The following ABLIM2 variants were observed in gnomAD, a reference collection of about 807,000 sequenced individuals.
The protein encoded by ABLIM2 is actin-binding LIM protein 2.
A neutral mutation model predicts 97.7 loss-of-function variants in ABLIM2; 53 were observed. The ratio of observed to expected loss-of-function variants is 0.54; its 90% CI spans 0.44 to 0.68. ABLIM2 has a LOEUF of 0.68. ABLIM2 is among the 30% of genes least tolerant of loss of function. The pLI is 0.00. For missense variants in ABLIM2, 835 were observed against 867.2 expected (o/e 0.96, Z 0.47); for synonymous variants, 361 against 345.8 (o/e 1.04, Z -0.49).
At position 8,096,408 on chromosome 4, in the gene ABLIM2, C is replaced by T. The variant is rs574300855; in HGVS notation, c.338+691G>A. ...GCCACGTACACAAAAATCAAACACT[C>T]GGATAATCCCTGGGAGAGAGAGGTC... On this transcript the variant is annotated intron_variant, in intron 3 of 20. Coordinates refer to ENST00000447017, the MANE Select transcript of ABLIM2 (RefSeq NM_001130083.2). Among the ~76,000 whole-genome samples, 22 of 152,296 alleles carry T rather than the reference C, an allele frequency of 1.4e-4. No individual in the cohort carries two copies. The East Asian group carries it at 3.7e-3, about 25-fold the overall frequency.
At chr4:8,084,931 C>T (rs541306673) in intron 4 of ABLIM2, among the ~76,000 whole-genome samples, 2 of 152,304 alleles carry the variant, frequency 1.3e-5, no homozygotes, top group African/African-American at 4.8e-5. Context: ...CGACGGCCGC[C>T]CTGTGACAGG....
intron 1 of ABLIM2, among the ~76,000 whole-genome samples, chr4:8,126,702 C>T (rs186644017): frequency 4.2e-4 from 64 of 152,122 alleles, no homozygotes; most frequent in South Asian, 1.5e-3. Flanking sequence ...CACCACAGGA[C>T]GCTCAGCCGT....
chr4:8,113,754 T>A lies in ABLIM2; in HGVS notation c.11-7117A>T, dbSNP rs1267648845. On this transcript the variant is annotated intron_variant, in intron 1 of 20. Coordinates refer to ENST00000447017, the MANE Select transcript of ABLIM2 (RefSeq NM_001130083.2). The surrounding 1 kb of genome is among the most constrained non-coding windows in gnomAD (Gnocchi z 4.5). ...TTGGGGTTTCCAAATGTCCTAAGGA[T>A]GTTCTAATAATATTCAGTTTTCTAA... Among the ~76,000 whole-genome samples the A allele has an allele frequency of 6.6e-6, 1 of 152,166 alleles. No individual in the cohort carries two copies. The highest frequency in any genetic ancestry group is 1.5e-5 in the Non-Finnish European group (1 of 68,026).
chr4:7,982,581 A>C (rs1739564324), intron 20 of ABLIM2, among the ~76,000 whole-genome samples: 1 of 152,188 alleles, frequency 6.6e-6, no homozygotes. Context: ...GTGCTTAGAA[A>C]CACATACTTG....
In ABLIM2 at chr4:8,095,522, T is replaced by G. The variant is rs915261727; in HGVS notation, c.338+1577A>C. 2.6e-5 allele frequency among the ~76,000 whole-genome samples: 4 copies of G among 152,228 alleles called. No homozygotes were observed. The highest frequency in any genetic ancestry group is 9.6e-5 in the African/African-American group (4 of 41,458). On this transcript the variant is annotated intron_variant, in intron 3 of 20. Transcript: ENST00000447017. This position sits in a 1 kb window ranked among gnomAD's most constrained non-coding sequence, Gnocchi z 4.7. ...GCTTTGCTCTGGCAGACAGTTTATT[T>G]GCAGATCAACATGATCTTTTTTAAA...
At position 8,125,207 on chromosome 4, in the gene ABLIM2, A is replaced by T. The variant is rs143576005; in HGVS notation, c.11-18570T>A. ...CCTCACGATGTCTTTGGCATCACAGAGGTTTTTGATGAAATCCAGTCGTCT... is the reference window on the plus strand; with the variant it reads ...CCTCACGATGTCTTTGGCATCACAGTGGTTTTTGATGAAATCCAGTCGTCT... On this transcript the variant is annotated intron_variant, in intron 1 of 20. Coordinates refer to ENST00000447017, the MANE Select transcript of ABLIM2 (RefSeq NM_001130083.2). The surrounding 1 kb of genome is among the most constrained non-coding windows in gnomAD (Gnocchi z 6.2). Among the ~76,000 whole-genome samples the T allele has an allele frequency of 8.3e-4, 126 of 152,266 alleles. No homozygotes were observed. Among genetic ancestry groups the T allele is most frequent in the African/African-American group, 2.8e-3 (117 of 41,544 alleles).
intron 5 of ABLIM2, 106 bp downstream of exon 5, chr4:8,080,567 TAGG>T: frequency 7.9e-7 from 1 of 1,265,094 alleles, no homozygotes; most frequent in Non-Finnish European, 1.1e-6. Context: ...GTGTGAGGAA[TAGG>T]AGAGACACAG....
At chr4:8,034,270 GGTGCAGGTGA>G (rs1782794916) in intron 10 of ABLIM2, among the ~76,000 whole-genome samples, 1 of 150,848 alleles carries the variant, frequency 6.6e-6, no homozygotes, top group South Asian at 2.1e-4. Flanking sequence ...GCAGTGGGTG[GGTGCAGGTGA>G]GTGCAGGTAG....
intron 6 of ABLIM2, among the ~76,000 whole-genome samples, chr4:8,073,370 G>A (rs1231923293): frequency 2.6e-5 from 4 of 151,432 alleles, no homozygotes; most frequent in African/African-American, 9.7e-5. Flanking sequence ...GGCAGGGAGC[G>A]CAGTCCAGGA....
At position 7,997,934 on chromosome 4, in the gene ABLIM2, T is replaced by C. The variant is rs190434351; in HGVS notation, c.1619-5007A>G. Among the ~76,000 whole-genome samples the C allele has an allele frequency of 3.4e-3, 519 of 151,744 alleles. 1 individual carries two copies. The highest frequency in any genetic ancestry group is 7.9e-3 in the South Asian group (38 of 4,794). ...TTCACTCTTGTTGCCCAGGCTGGAG[T>C]GCAATGGCACCATCTCGGCTCACCA... On this transcript the variant is annotated intron_variant, in intron 16 of 20. Transcript: ENST00000447017.
At chr4:7,969,410 C>T (rs1156473440) in intron 20 of ABLIM2, among the ~76,000 whole-genome samples, 1 of 152,104 alleles carries the variant, frequency 6.6e-6, no homozygotes. Flanking sequence ...GCTGTGATCA[C>T]ACCACTGCAC....
In ABLIM2 at chr4:8,069,762, T is replaced by C. The variant is rs867676502; in HGVS notation, c.675+7866A>G. On this transcript the variant is annotated intron_variant, in intron 6 of 20. Transcript: ENST00000447017. The surrounding 1 kb of genome is among the most constrained non-coding windows in gnomAD (Gnocchi z 4.2). ...CTTGTGTTGTCTGTGTACGTTTCGG[T>C]GTGTCCATGCATGTTGTCTGTGTCT... is the stretch of plus-strand genomic sequence containing the variant. Among the ~76,000 whole-genome samples the C allele has an allele frequency of 1.3e-5, 2 of 151,926 alleles. No homozygotes were observed. Among genetic ancestry groups the C allele is most frequent in the South Asian group, 2.1e-4 (1 of 4,814 alleles).
chr4:8,005,841 C>A lies in ABLIM2; in HGVS notation c.1618+2218G>T, dbSNP rs1760934823. Among the ~76,000 whole-genome samples, 1 of 152,206 alleles carries A rather than the reference C, an allele frequency of 6.6e-6. No homozygotes were observed. Among genetic ancestry groups the A allele is most frequent in the Non-Finnish European group, 1.5e-5 (1 of 68,038 alleles). On this transcript the variant is annotated intron_variant, in intron 16 of 20. Coordinates refer to ENST00000447017, the MANE Select transcript of ABLIM2 (RefSeq NM_001130083.2). The surrounding 1 kb of genome is among the most constrained non-coding windows in gnomAD (Gnocchi z 4.9). ...AGCATCATAGCCACATCTTCATAAG[C>A]AGGCATGGCCAGGGGAAGGACACAT... is the stretch of plus-strand genomic sequence containing the variant.
rs191846069 is a variant in ABLIM2 at position 8,114,345 on chromosome 4, G to A, written c.11-7708C>T. On this transcript the variant is annotated intron_variant, in intron 1 of 20. Transcript: ENST00000447017. ...TCTTTGGGCTAATTTTATGAATATGGAATTAAAGCGTACAGGCACGCACAC... is the reference window on the plus strand; with the variant it reads ...TCTTTGGGCTAATTTTATGAATATGAAATTAAAGCGTACAGGCACGCACAC... Among the ~76,000 whole-genome samples, 513 of 152,306 alleles carry A rather than the reference G, an allele frequency of 3.4e-3. 3 individuals are homozygous for A. The highest frequency in any genetic ancestry group is 0.012 in the African/African-American group (497 of 41,562).
chr4:8,003,095 G>A lies in ABLIM2; in HGVS notation c.1618+4964C>T, dbSNP rs1404479810. Among the ~76,000 whole-genome samples, 3 of 152,168 alleles carry A rather than the reference G, an allele frequency of 2.0e-5. No homozygotes were observed. Among genetic ancestry groups the A allele is most frequent in the Non-Finnish European group, 2.9e-5 (2 of 68,034 alleles). ...TGTCCCCAGCACCCAGGACAGCACC[G>A]GAACACACCAAGCACTCATGAAATA... On this transcript the variant is annotated intron_variant, in intron 16 of 20. Transcript: ENST00000447017. The surrounding 1 kb of genome is among the most constrained non-coding windows in gnomAD (Gnocchi z 4.2).
Position 7,986,155 on chromosome 4 carries a change from A to G in ABLIM2, c.1681-1262T>C, listed in dbSNP as rs918969803. 6.6e-6 allele frequency among the ~76,000 whole-genome samples: 1 copy of G among 152,250 alleles called. No homozygotes were observed. The highest frequency in any genetic ancestry group is 6.5e-5 in the Admixed American group (1 of 15,290). ...GCTGCTGAAACTGGGTACAGGGATCACATTTCAGCAGGGAGAGTTCTGCAG... is the reference window on the plus strand; with the variant it reads ...GCTGCTGAAACTGGGTACAGGGATCGCATTTCAGCAGGGAGAGTTCTGCAG... On this transcript the variant is annotated intron_variant, in intron 17 of 20. Coordinates refer to ENST00000447017, the MANE Select transcript of ABLIM2 (RefSeq NM_001130083.2). This position sits in a 1 kb window ranked among gnomAD's most constrained non-coding sequence, Gnocchi z 4.3.
Position 7,966,581 on chromosome 4 carries a change from T to G in ABLIM2, c.*409A>C. On this transcript the variant is annotated 3_prime_UTR_variant, in exon 21 of 21. Coordinates refer to ENST00000447017, the MANE Select transcript of ABLIM2 (RefSeq NM_001130083.2). ...AGGGCCGTGTGCCCACCCCCGATGA[T>G]GGTGTCAGCAACCATCATCAACAAG... 1 of 175,274 alleles carries G rather than the reference T, an allele frequency of 5.7e-6. No individual in the cohort carries two copies. The highest frequency in any genetic ancestry group is 1.2e-5 in the Non-Finnish European group (1 of 82,422). The allele number at this position is 175,274 out of a possible 1,614,324, so 10.9% of individuals were successfully genotyped here.
chr4:8,097,043 A>C, intron 3 of ABLIM2, 56 bp downstream of exon 3: 1 of 1,528,744 alleles, frequency 6.5e-7, no homozygotes, highest in Non-Finnish European at 8.8e-7. Context: ...GAGGGAGGGA[A>C]GGAGAAAAGG....
chr4:7,984,802 C>T, intron 18 of ABLIM2, 37 bp downstream of exon 18: 1 of 1,557,454 alleles, frequency 6.4e-7, no homozygotes, highest in Non-Finnish European at 8.7e-7. Flanking sequence ...CGACCCCTGC[C>T]CCAGCCAGAG....
Sources: gnomAD v4.1 joint callset for allele counts (sites outside exome capture counted in the v4.1 genomes callset) on GRCh38, gnomAD v4.1.1 for gene constraint, Gnocchi (gnomAD v3.1) non-coding constraint, MANE v1.5 for transcripts, NCBI Gene and HGNC (gene_info 2026-07-23, HGNC 2026-07-21) for gene names.